Variants in CLDN14 observed in about 807,000 individuals in gnomAD.
The protein encoded by CLDN14 is claudin-14.
CLDN14 carries 2 observed loss-of-function variants against 2.1 expected under a neutral mutation model. That is an observed-to-expected ratio of 0.96 (90% CI 0.39 to 3.01). The LOEUF (loss-of-function observed/expected upper bound fraction) is 3.01, where lower values mean the gene tolerates loss of function less well. CLDN14 is among the 30% of genes most tolerant of loss of function. The pLI is 0.09. For missense variants in CLDN14, 298 were observed against 328.0 expected, an observed-to-expected ratio of 0.91 and a Z score of 0.71; for synonymous variants, 136 against 154.4, an observed-to-expected ratio of 0.88 and a Z score of 0.88.
At chr21:36,537,589 A>C (rs1414068691) in intron 1 of CLDN14, among the ~76,000 whole-genome samples, 5 of 149,526 alleles carry the variant, frequency 3.3e-5, no homozygotes, top group African/African-American at 1.2e-4. Flanking sequence ...AAATATTTAT[A>C]GTCAAGTATC....
At chr21:36,503,827 A>G (rs990621081) in intron 2 of CLDN14, among the ~76,000 whole-genome samples, 2 of 152,116 alleles carry the variant, frequency 1.3e-5, no homozygotes, top group Non-Finnish European at 2.9e-5. Context: ...TGCAATGAAT[A>G]CAATACATAC....
chr21:36,565,565 T>C (rs918877055), intron 1 of CLDN14, among the ~76,000 whole-genome samples: 8 of 152,106 alleles, frequency 5.3e-5, no homozygotes, highest in African/African-American at 1.7e-4. Context: ...TCATGGCAAA[T>C]GTCAAGCTAC....
chr21:36,519,076 G>A (rs921507131), intron 1 of CLDN14, among the ~76,000 whole-genome samples: 1 of 152,130 alleles, frequency 6.6e-6, no homozygotes, highest in African/African-American at 2.4e-5. Flanking sequence ...TTCACACCAC[G>A]AGGACCTCAC....
chr21:36,568,923 T>C (rs562758886), intron 1 of CLDN14, among the ~76,000 whole-genome samples: 60 of 152,358 alleles, frequency 3.9e-4, no homozygotes, highest in African/African-American at 1.3e-3. Context: ...AGTTTGACTT[T>C]TTTATTATTC....
chr21:36,529,312 T>C (rs1173417060), intron 1 of CLDN14, among the ~76,000 whole-genome samples: 2 of 151,892 alleles, frequency 1.3e-5, no homozygotes, highest in African/African-American at 4.8e-5. Flanking sequence ...TGAGAGGGTG[T>C]CTTGCTCTGT....
intron 1 of CLDN14, among the ~76,000 whole-genome samples, chr21:36,559,097 A>G (rs1317569660): frequency 6.6e-6 from 1 of 152,118 alleles, no homozygotes; most frequent in African/African-American, 2.4e-5. Flanking sequence ...TTTACTGTTG[A>G]GTATGTTAGC....
rs780070024 is a variant in CLDN14 at position 36,460,932 on chromosome 21, G to T, written c.*44C>A. 1.9e-6 allele frequency: 3 copies of T among 1,598,268 alleles called. No homozygotes were observed. The highest frequency in any genetic ancestry group is 1.1e-5 in the South Asian group (1 of 89,592). ...TGCCTCCATTGACAGTCCCGCCGGG[G>T]ACCCAGCCCACAGCAGCCCAGGGGA... On this transcript the variant is annotated 3_prime_UTR_variant, in exon 2 of 2. Coordinates refer to ENST00000399135, the MANE Select transcript of CLDN14 (RefSeq NM_001146079.2). This position sits in a 1 kb window ranked among gnomAD's most constrained non-coding sequence, Gnocchi z 4.0.
At chr21:36,558,589 G>A (rs2087613921) in intron 1 of CLDN14, among the ~76,000 whole-genome samples, 1 of 152,170 alleles carries the variant, frequency 6.6e-6, no homozygotes, top group Non-Finnish European at 1.5e-5. Flanking sequence ...TCTGTAGGCA[G>A]AGCAGCCTAT....
At chr21:36,471,477 CAATTGGCTGGGGTAT>C (rs997270926) in intron 1 of CLDN14, among the ~76,000 whole-genome samples, 2 of 152,050 alleles carry the variant, frequency 1.3e-5, no homozygotes, top group Admixed American at 6.6e-5. Context: ...AGCTTGTGTG[CAATTGGCTGGGGTAT>C]AATTGGTGAC....
Position 36,502,654 on chromosome 21 carries a change from C to T in CLDN14, c.-82+7709G>A, listed in dbSNP as rs888301418. ...GTGTAAGAATCAAATGCAAATTGTA[C>T]AGTATTTGACACGGATGTCTTTAGG... is the stretch of plus-strand genomic sequence containing the variant. On this transcript the variant is annotated intron_variant, in intron 2 of 2. Coordinates refer to the CLDN14 transcript ENST00000342108. Among the ~76,000 whole-genome samples, 25 of 152,276 alleles carry T rather than the reference C, an allele frequency of 1.6e-4. No individual in the cohort carries two copies. In the South Asian group the frequency reaches 4.8e-3, roughly 29 times the overall value.
At chr21:36,486,890 G>A (rs1158314329) in intron 2 of CLDN14, 7 of 669,746 alleles carry the variant, frequency 1.0e-5, no homozygotes, top group South Asian at 2.9e-5. Context: ...GACAGGATGC[G>A]GCCGGTGTCT....
chr21:36,486,162 G>T, intron 2 of CLDN14: 2 of 1,214,374 alleles, frequency 1.6e-6, no homozygotes, highest in Non-Finnish European at 2.4e-6. Flanking sequence ...TCCTTGGCTG[G>T]CTGGCAAGTG....
chr21:36,510,842 G>A (rs76790142), intron 1 of CLDN14, among the ~76,000 whole-genome samples: 273 of 152,350 alleles, frequency 1.8e-3, no homozygotes, highest in African/African-American at 6.5e-3. Flanking sequence ...GGGGTGTTGG[G>A]GACGCCAGTA....
chr21:36,506,243 G>A (rs1475922659), intron 2 of CLDN14, among the ~76,000 whole-genome samples: 5 of 152,228 alleles, frequency 3.3e-5, no homozygotes, highest in Non-Finnish European at 7.3e-5. Context: ...AAGACACAAT[G>A]TTAAGTGAAG....
chr21:36,498,451 C>T lies in CLDN14; in HGVS notation c.-82+11912G>A, dbSNP rs1448184977. On this transcript the variant is annotated intron_variant, in intron 2 of 2. Coordinates refer to the CLDN14 transcript ENST00000342108. This position sits in a 1 kb window ranked among gnomAD's most constrained non-coding sequence, Gnocchi z 4.9. ...CTTGTCTGGATTTAGCTGTGAAAGA[C>T]CAGTAGACCAACTGGTGGGAAAAAT... Among the ~76,000 whole-genome samples, 1 of 152,272 alleles carries T rather than the reference C, an allele frequency of 6.6e-6. No individual in the cohort carries two copies. Among genetic ancestry groups the T allele is most frequent in the Non-Finnish European group, 1.5e-5 (1 of 68,010 alleles).
At chr21:36,514,622 A>AGTGTGT (rs34558148) in intron 1 of CLDN14, among the ~76,000 whole-genome samples, 1,025 of 33,644 alleles carry the variant, frequency 0.03, 13 homozygotes, top group African/African-American at 0.061. Context: ...CGTGAGAGAA[A>AGTGTGT]GTGTGTGTGT....
chr21:36,532,585 T>G (rs1482375638), intron 1 of CLDN14, among the ~76,000 whole-genome samples: 2 of 151,570 alleles, frequency 1.3e-5, no homozygotes, highest in Non-Finnish European at 2.9e-5. Flanking sequence ...ACCCTAAAAC[T>G]TAAAGTATAA....
chr21:36,506,262 T>C (rs1457761840), intron 2 of CLDN14, among the ~76,000 whole-genome samples: 1 of 152,192 alleles, frequency 6.6e-6, no homozygotes, highest in Non-Finnish European at 1.5e-5. Context: ...AGGAAGCAAG[T>C]TGAAGTGCAG....
At chr21:36,503,601 T>G (rs1054345792) in intron 2 of CLDN14, among the ~76,000 whole-genome samples, 19 of 152,348 alleles carry the variant, frequency 1.2e-4, no homozygotes, top group African/African-American at 4.6e-4. Context: ...CCCAGCCACA[T>G]GGAACTATGA....
Sources: gnomAD v4.1 joint callset for allele counts (sites outside exome capture counted in the v4.1 genomes callset) on GRCh38, gnomAD v4.1.1 for gene constraint, Gnocchi (gnomAD v3.1) non-coding constraint, MANE v1.5 for transcripts, NCBI Gene and HGNC (gene_info 2026-07-23, HGNC 2026-07-21) for gene names.